ZFYVE9: variants seen among roughly 807,000 people sequenced by gnomAD.
ZFYVE9 encodes the protein zinc finger FYVE-type containing 9.
In ZFYVE9, 43 loss-of-function variants were observed where a neutral mutation model predicts 126.7. That is an observed-to-expected ratio of 0.34 (90% CI 0.27 to 0.44). The LOEUF (loss-of-function observed/expected upper bound fraction) is 0.44. ZFYVE9 is among the 20% of genes least tolerant of loss of function. ZFYVE9 has a pLI of 1.00. For missense variants in ZFYVE9, 1,476 were observed against 1,697.0 expected (o/e 0.87, Z 2.29); for synonymous variants, 521 against 597.4 (o/e 0.87, Z 1.87).
rs536273128 is a variant in ZFYVE9 at position 52,162,806 on chromosome 1, A to G, written c.-143+20403A>G. ...TCCTGTGAGAGTGGTATCTGGATCA[A>G]GAGTGGGATCTGGATCAAGTGTGTA... is the stretch of plus-strand genomic sequence containing the variant. On this transcript the variant is annotated intron_variant, in intron 1 of 18. Transcript: ENST00000287727. 10 of 344,346 alleles carry G rather than the reference A, an allele frequency of 2.9e-5. No individual in the cohort carries two copies. The East Asian group carries it at 5.8e-4, about 20-fold the overall frequency. The allele number at this position is 344,346 out of a possible 1,614,324, so 21.3% of individuals were successfully genotyped here. A position where few individuals can be genotyped will look rare whatever the true frequency, so the allele number is the denominator to read the frequency against.
chr1:52,219,390 A>G (rs556812178), intron 2 of ZFYVE9, among the ~76,000 whole-genome samples: 3 of 152,018 alleles, frequency 2.0e-5, no homozygotes, highest in Admixed American at 6.6e-5. Context: ...TGACTTTGCA[A>G]TGGTTGCGGC....
chr1:52,307,638 A>G (rs774202114), intron 13 of ZFYVE9, among the ~76,000 whole-genome samples: 2 of 152,208 alleles, frequency 1.3e-5, no homozygotes, highest in African/African-American at 2.4e-5. Flanking sequence ...TATGGTGTGC[A>G]GGTTCAGAAT....
chr1:52,192,466 C>A (rs951809466), intron 1 of ZFYVE9, among the ~76,000 whole-genome samples: 2 of 152,146 alleles, frequency 1.3e-5, no homozygotes, highest in African/African-American at 4.8e-5. Context: ...CTGTCAGTTG[C>A]TTAGAGGGTA....
At chr1:52,306,227 C>T (rs1646083602) in intron 13 of ZFYVE9, among the ~76,000 whole-genome samples, 1 of 152,106 alleles carries the variant, frequency 6.6e-6, no homozygotes, top group Non-Finnish European at 1.5e-5. Context: ...CTGTAAAAGC[C>T]CTGGGATCAG....
rs575367630 is a variant in ZFYVE9 at position 52,215,943 on chromosome 1, A to C, written c.-142-426A>C. ...AAAATCACAACTGGAAACTTGTGAAACTCAAGAATTCTACATGTATAGAAA... is the reference window on the plus strand; with the variant it reads ...AAAATCACAACTGGAAACTTGTGAACCTCAAGAATTCTACATGTATAGAAA... On this transcript the variant is annotated intron_variant, in intron 1 of 18. Coordinates refer to ENST00000287727, the MANE Select transcript of ZFYVE9 (RefSeq NM_004799.4). 2.6e-5 allele frequency among the ~76,000 whole-genome samples: 4 copies of C among 152,328 alleles called. No homozygotes were observed. The East Asian group carries it at 7.7e-4, about 29-fold the overall frequency.
At chr1:52,318,370 A>ATGTGTGTGTGTGTGTGTGTGTG (rs59683935) in intron 13 of ZFYVE9, among the ~76,000 whole-genome samples, 1 of 144,302 alleles carries the variant, frequency 6.9e-6, no homozygotes, top group African/African-American at 2.6e-5. Flanking sequence ...GCATGATTGT[A>ATGTGTGTGTGTGTGTGTGTGTG]TGTGTGTGTG....
intron 1 of ZFYVE9, among the ~76,000 whole-genome samples, chr1:52,155,117 C>T (rs972249710): frequency 5.9e-5 from 9 of 152,012 alleles, no homozygotes; most frequent in African/African-American, 1.5e-4. Flanking sequence ...TATGACCTGG[C>T]GAGTCCTAGT....
chr1:52,238,872 C>T lies in ZFYVE9; in HGVS notation c.1455C>T (p.Asp485=). Residue 485 remains aspartate, a synonymous_variant, in exon 4 of 19, where the codon GAC becomes GAT. Coordinates refer to ENST00000287727, the MANE Select transcript of ZFYVE9 (RefSeq NM_004799.4). The part of the protein sequence containing the change: ...SNGCDSYGMQ[D]PGVSFVPKTL... ...GTTGTGATTCCTATGGAATGCAAGA[C>T]CCAGGTGTTTCTTTTGTTCCAAAGA... 6.2e-7 allele frequency: 1 copy of T among 1,614,012 alleles called. No homozygotes were observed. The highest frequency in any genetic ancestry group is 2.2e-5 in the East Asian group (1 of 44,866).
At chr1:52,320,801 T>C (rs1381110172) in intron 13 of ZFYVE9, among the ~76,000 whole-genome samples, 1 of 152,194 alleles carries the variant, frequency 6.6e-6, no homozygotes, top group Non-Finnish European at 1.5e-5. Flanking sequence ...TATGAGTATA[T>C]GCACATGTCA....
chr1:52,171,607 G>C (rs943367994), intron 1 of ZFYVE9, among the ~76,000 whole-genome samples: 5 of 152,084 alleles, frequency 3.3e-5, no homozygotes, highest in African/African-American at 1.2e-4. Context: ...CTAGTTTACA[G>C]TCCCACCAAC....
At chr1:52,327,979 GAA>G (rs1196600729) in intron 13 of ZFYVE9, among the ~76,000 whole-genome samples, 1 of 128,014 alleles carries the variant, frequency 7.8e-6, no homozygotes, top group Non-Finnish European at 1.7e-5. Context: ...GTCTCAAAAA[GAA>G]AAAAAAAAAA....
In ZFYVE9 at chr1:52,237,613, CA is replaced by C. The variant is rs1645285638; in HGVS notation, c.198del (p.Gln66HisfsTer4). The C allele has an allele frequency of 3.7e-6, 6 of 1,614,092 alleles. No individual in the cohort carries two copies. Among genetic ancestry groups the C allele is most frequent in the Non-Finnish European group, 5.1e-6 (6 of 1,179,964 alleles). ...VNESAVSNES[Q>X]PQLKVFSLAH... is the part of the protein sequence containing the mutation. ...TGAATCTGCAGTTTCTAATGAGTCA[CA>C]ACCACAACTGAAAGTCTTCTCCCTG... is the stretch of plus-strand genomic sequence containing the variant. On this transcript the variant is annotated frameshift_variant, in exon 4 of 19. Coordinates refer to ENST00000287727, the MANE Select transcript of ZFYVE9 (RefSeq NM_004799.4). LOFTEE classifies it high-confidence loss of function.
chr1:52,162,354 C>T (rs992362466), intron 1 of ZFYVE9: 5 of 376,942 alleles, frequency 1.3e-5, no homozygotes, highest in African/African-American at 4.2e-5. Context: ...CCTCCACTGC[C>T]GCCTTTGCCA....
At chr1:52,144,820 A>T (rs1398142466) in intron 1 of ZFYVE9, among the ~76,000 whole-genome samples, 3 of 152,266 alleles carry the variant, frequency 2.0e-5, no homozygotes, top group Non-Finnish European at 2.9e-5. Context: ...CACTTAATGG[A>T]CACCAATGTC....
At chr1:52,302,892 C>T (rs1569714592) in intron 12 of ZFYVE9, among the ~76,000 whole-genome samples, 2 of 152,142 alleles carry the variant, frequency 1.3e-5, no homozygotes, top group East Asian at 1.9e-4. Flanking sequence ...GGTGGATCAC[C>T]TGAGGTTGGG....
chr1:52,296,050 T>C, intron 12 of ZFYVE9, 73 bp downstream of exon 12: 1 of 1,397,426 alleles, frequency 7.2e-7, no homozygotes, highest in South Asian at 1.2e-5. Flanking sequence ...AATTTTATTA[T>C]TTTCTTGGTA....
chr1:52,269,566 A>G (rs952238523), intron 7 of ZFYVE9, among the ~76,000 whole-genome samples: 3 of 152,180 alleles, frequency 2.0e-5, no homozygotes, highest in Non-Finnish European at 4.4e-5. Flanking sequence ...TTGAAATTGC[A>G]TGTTGTTAAG....
chr1:52,297,496 C>G (rs1320147883), intron 12 of ZFYVE9, among the ~76,000 whole-genome samples: 1 of 151,904 alleles, frequency 6.6e-6, no homozygotes, highest in Non-Finnish European at 1.5e-5. Context: ...ATCTCAACCT[C>G]CTAAAGTGCT....
chr1:52,213,249 C>A (rs1321990422), intron 1 of ZFYVE9, among the ~76,000 whole-genome samples: 1 of 152,024 alleles, frequency 6.6e-6, no homozygotes, highest in Non-Finnish European at 1.5e-5. Context: ...TGAACTATTT[C>A]TTTATTTATT....
Sources: allele counts gnomAD v4.1 joint callset (sites outside exome capture counted in the v4.1 genomes callset), GRCh38; gene constraint gnomAD v4.1.1; transcripts MANE v1.5; gene names NCBI Gene and HGNC (gene_info 2026-07-23, HGNC 2026-07-21).